Variants in TLE4 observed in about 807,000 individuals in gnomAD.
The protein encoded by TLE4 is transducin-like enhancer protein 4.
TLE4 carries 8 observed loss-of-function variants against 92.8 expected under a neutral mutation model. The observed-to-expected ratio is 0.09, with a 90% CI of 0.05 to 0.16. The LOEUF (loss-of-function observed/expected upper bound fraction) is 0.16, where lower values mean the gene tolerates loss of function less well. TLE4 is among the 10% of genes least tolerant of loss of function. TLE4 has a pLI of 1.00. For synonymous variants in TLE4, 371 were observed against 374.1 expected, an observed-to-expected ratio of 0.99 and a Z score of 0.10; for missense variants, 675 against 997.6, an observed-to-expected ratio of 0.68 and a Z score of 4.36.
intron 8 of TLE4, among the ~76,000 whole-genome samples, chr9:79,664,300 C>G (rs1485559142): frequency 6.6e-6 from 1 of 152,214 alleles, no homozygotes; most frequent in Non-Finnish European, 1.5e-5. Context: ...TCTAGTAAAT[C>G]TGGGCATTAT....
intron 8 of TLE4, among the ~76,000 whole-genome samples, chr9:79,698,094 A>G (rs1466862660): frequency 2.6e-5 from 4 of 152,200 alleles, no homozygotes; most frequent in African/African-American, 9.7e-5. Context: ...CTTTATCCTT[A>G]TGGCAACTTA....
intron 8 of TLE4, among the ~76,000 whole-genome samples, chr9:79,670,696 G>T (rs2062159647): frequency 6.6e-6 from 1 of 152,142 alleles, no homozygotes; most frequent in Non-Finnish European, 1.5e-5. Flanking sequence ...TAGACAGCCA[G>T]TAGGCAGGAA....
intron 4 of TLE4, among the ~76,000 whole-genome samples, chr9:79,590,319 T>G (rs1252545584): frequency 6.6e-6 from 1 of 152,240 alleles, no homozygotes; most frequent in Non-Finnish European, 1.5e-5. Context: ...AAAATTCCAA[T>G]GTGTGCTTCT....
intron 4 of TLE4, among the ~76,000 whole-genome samples, chr9:79,584,880 G>C (rs1317396315): frequency 1.3e-5 from 2 of 152,154 alleles, no homozygotes; most frequent in Non-Finnish European, 2.9e-5. Flanking sequence ...CCTTTTTAAA[G>C]ATGAAAACAT....
rs757741234 is a variant in TLE4 at position 79,722,934 on chromosome 9, C to G, written c.2138-25C>G. 9.3e-6 allele frequency: 15 copies of G among 1,610,924 alleles called. No homozygotes were observed. The South Asian group carries it at 1.7e-4, about 18-fold the overall frequency. On this transcript the variant is annotated intron_variant, in intron 18 of 19. Coordinates refer to ENST00000376552, the MANE Select transcript of TLE4 (RefSeq NM_007005.6). ...TCTGACAGAGTAACACAAACATTGCCTTTTTCAAAACCCTTTACCTATAGG... is the reference window on the plus strand; with the variant it reads ...TCTGACAGAGTAACACAAACATTGCGTTTTTCAAAACCCTTTACCTATAGG...
intron 6 of TLE4, among the ~76,000 whole-genome samples, chr9:79,630,931 G>T (rs767885716): frequency 2.0e-5 from 3 of 152,048 alleles, no homozygotes; most frequent in Non-Finnish European, 4.4e-5. Flanking sequence ...AGACGATGTG[G>T]GTTCCTTTGG....
chr9:79,704,018 A>G (rs2070755450), intron 8 of TLE4, among the ~76,000 whole-genome samples: 1 of 151,804 alleles, frequency 6.6e-6, no homozygotes, highest in Admixed American at 6.6e-5. Flanking sequence ...CTGGCTTCCC[A>G]TTAGCCAGCA....
chr9:79,722,628 C>G (rs1302257587), intron 18 of TLE4, 27 bp downstream of exon 18: 1 of 1,610,138 alleles, frequency 6.2e-7, no homozygotes, highest in Admixed American at 1.7e-5. Flanking sequence ...TGTCCATTTT[C>G]TGTCAACCAG....
intron 8 of TLE4, among the ~76,000 whole-genome samples, chr9:79,677,052 C>T (rs185974201): frequency 6.6e-6 from 1 of 152,144 alleles, no homozygotes; most frequent in East Asian, 1.9e-4. Context: ...GATCTGGGCT[C>T]AAATCGCAGA....
chr9:79,722,872 G>A lies in TLE4; in HGVS notation c.2138-87G>A, dbSNP rs988153502. The A allele has an allele frequency of 1.4e-5, 18 of 1,252,456 alleles. No homozygotes were observed. In the South Asian group the frequency reaches 2.3e-4, roughly 16 times the overall value. 77.6% of individuals were successfully genotyped at this position (1,252,456 alleles called of 1,614,324 possible). On this transcript the variant is annotated intron_variant, in intron 18 of 19. Coordinates refer to ENST00000376552, the MANE Select transcript of TLE4 (RefSeq NM_007005.6). ...TTTTTTACAAATGGATGAGTTTTCT[G>A]TTAATAGTTTGGTGTTCTATAAAGC...
At chr9:79,704,461 A>G (rs949116403) in intron 8 of TLE4, among the ~76,000 whole-genome samples, 6 of 152,060 alleles carry the variant, frequency 3.9e-5, no homozygotes, top group African/African-American at 1.4e-4. Context: ...ATATCCGTAA[A>G]ACCAAACCCA....
intron 8 of TLE4, among the ~76,000 whole-genome samples, chr9:79,680,625 T>A (rs1320501241): frequency 6.6e-6 from 1 of 152,198 alleles, no homozygotes; most frequent in Non-Finnish European, 1.5e-5. Flanking sequence ...TATTTCCTTC[T>A]CCTGCCTGAT....
At chr9:79,598,794 A>C (rs536197714) in intron 4 of TLE4, among the ~76,000 whole-genome samples, 1 of 152,224 alleles carries the variant, frequency 6.6e-6, no homozygotes, top group East Asian at 1.9e-4. Flanking sequence ...TAGCTAGGGC[A>C]CTTAACACAT....
chr9:79,594,513 A>G (rs888717475), intron 4 of TLE4, among the ~76,000 whole-genome samples: 1 of 146,108 alleles, frequency 6.8e-6, no homozygotes, highest in East Asian at 2.0e-4. Flanking sequence ...TTTGTTTTGT[A>G]TTTTTTTTTT....
At chr9:79,637,605 G>A (rs2056208108) in intron 6 of TLE4, among the ~76,000 whole-genome samples, 1 of 152,196 alleles carries the variant, frequency 6.6e-6, no homozygotes, top group Non-Finnish European at 1.5e-5. Flanking sequence ...ATACTAAGTG[G>A]TTAGTCTAAA....
intron 8 of TLE4, among the ~76,000 whole-genome samples, chr9:79,664,188 C>T (rs1486612702): frequency 6.6e-6 from 1 of 152,188 alleles, no homozygotes; most frequent in African/African-American, 2.4e-5. Context: ...GGAGATTTAT[C>T]CCGGCAGTGC....
intron 6 of TLE4, among the ~76,000 whole-genome samples, chr9:79,641,881 G>A (rs564561480): frequency 1.3e-4 from 19 of 151,518 alleles, no homozygotes; most frequent in South Asian, 4.2e-4. Flanking sequence ...CTGGTTTAGC[G>A]TTCTTCAAAT....
intron 14 of TLE4, among the ~76,000 whole-genome samples, chr9:79,715,040 G>A (rs1035427791): frequency 1.3e-4 from 20 of 152,154 alleles, no homozygotes; most frequent in African/African-American, 4.8e-4. Context: ...ATGAAAGCAG[G>A]CTCTTGGAAT....
Position 79,722,946 on chromosome 9 carries a change from C to T in TLE4, c.2138-13C>T, listed in dbSNP as rs1667513452. 4.3e-6 allele frequency: 7 copies of T among 1,613,316 alleles called. No homozygotes were observed. Among genetic ancestry groups the T allele is most frequent in the South Asian group, 1.1e-5 (1 of 90,964 alleles). On this transcript the variant is annotated splice_polypyrimidine_tract_variant and intron_variant, in intron 18 of 19. Transcript: ENST00000376552. ...ACACAAACATTGCCTTTTTCAAAAC[C>T]CTTTACCTATAGGCAAATGGTTTGT...
Sources: allele counts gnomAD v4.1 joint callset (sites outside exome capture counted in the v4.1 genomes callset), GRCh38; gene constraint gnomAD v4.1.1; transcripts MANE v1.5; gene names NCBI Gene and HGNC (gene_info 2026-07-23, HGNC 2026-07-21).